PRELID3B: variants seen among roughly 807,000 people sequenced by gnomAD.
PRELID3B encodes PRELI domain containing 3B.
A neutral mutation model predicts 24.0 loss-of-function variants in PRELID3B; 15 were observed. That is an observed-to-expected ratio of 0.63 (90% CI 0.42 to 0.96). The LOEUF (loss-of-function observed/expected upper bound fraction) is 0.96. PRELID3B is among the 40% of genes least tolerant of loss of function. PRELID3B has a pLI of 0.00. For missense variants in PRELID3B, 189 were observed against 236.0 expected, an observed-to-expected ratio of 0.80 and a Z score of 1.30; for synonymous variants, 62 against 76.0, an observed-to-expected ratio of 0.82 and a Z score of 0.96.
At position 59,041,088 on chromosome 20, in the gene PRELID3B, A is replaced by C. The variant is rs553781511; in HGVS notation, c.32+1611T>G. ...GGAAGGAGGGGATGAGCCAGGAAGAAGAGTTAGGGAAGATATGGGAGAAGA... is the reference window on the plus strand; with the variant it reads ...GGAAGGAGGGGATGAGCCAGGAAGACGAGTTAGGGAAGATATGGGAGAAGA... On this transcript the variant is annotated intron_variant, in intron 1 of 5. Transcript: ENST00000355937. Among the ~76,000 whole-genome samples, 7 of 152,264 alleles carry C rather than the reference A, an allele frequency of 4.6e-5. No individual in the cohort carries two copies. The East Asian group carries it at 1.4e-3, about 29-fold the overall frequency.
In PRELID3B at chr20:59,036,535, C is replaced by A. The variant is rs755222347; in HGVS notation, c.401G>T (p.Gly134Val). Residue 134 changes from glycine to valine, a missense_variant, in exon 5 of 6, where the codon GGA becomes GTA. By Grantham distance (109) the Gly-to-Val change is moderately radical. Coordinates refer to ENST00000355937, the MANE Select transcript of PRELID3B (RefSeq NM_016045.3). ...TTCAAGGTAACTGCTGAGGCTAACT[C>A]CTTTCACGGTAATTATGGCTTCTTG... ...LTQEAIITVK[G>V]VSLSSYLEGL... 1 of 1,614,064 alleles carries A rather than the reference C, an allele frequency of 6.2e-7. No homozygotes were observed. The highest frequency in any genetic ancestry group is 1.3e-5 in the African/African-American group (1 of 74,930).
At chr20:59,035,901 T>C (rs2092068586) in intron 5 of PRELID3B, among the ~76,000 whole-genome samples, 1 of 152,186 alleles carries the variant, frequency 6.6e-6, no homozygotes, top group Non-Finnish European at 1.5e-5. Context: ...TAACAGTGCA[T>C]GGCATCTTTC....
At position 59,038,489 on chromosome 20, in the gene PRELID3B, C is replaced by T. The variant is rs528860620; in HGVS notation, c.178G>A (p.Gly60Arg). Residue 60 changes from glycine to arginine, a missense_variant, in exon 2 of 6, where the codon GGA becomes AGA. Transcript: ENST00000355937. The stretch of plus-strand genomic sequence containing the variant: ...ACAGACTTCACAATGGAAGGCAGTC[C>T]CCACTCTGTGCTGAGAAGTCTGTGG... ...HSHRLLSTEW[G>R]LPSIVKSLIG... 2 of 1,613,312 alleles carry T rather than the reference C, an allele frequency of 1.2e-6. No homozygotes were observed. Among genetic ancestry groups the T allele is most frequent in the African/African-American group, 1.3e-5 (1 of 74,934 alleles).
rs781136153 is a variant in PRELID3B, at chr20:59,036,458, C to T, written c.465+13G>A. 6.3e-6 allele frequency: 10 copies of T among 1,582,022 alleles called. No individual in the cohort carries two copies. In the East Asian group the frequency reaches 2.0e-4, roughly 32 times the overall value. The stretch of plus-strand genomic sequence containing the variant: ...GAACCAGGGAATAATAACCAAGAAG[C>T]AGCCTCACTTACTTTACTAGCATTT... On this transcript the variant is annotated intron_variant, in intron 5 of 5. Transcript: ENST00000355937.
chr20:59,041,933 G>A (rs2092113186), intron 1 of PRELID3B, among the ~76,000 whole-genome samples: 1 of 152,160 alleles, frequency 6.6e-6, no homozygotes, highest in African/African-American at 2.4e-5. Flanking sequence ...ATGGAATCAG[G>A]GACCTAGAAG....
At position 59,040,817 on chromosome 20, in the gene PRELID3B, C is replaced by T. The variant is rs566410079; in HGVS notation, c.32+1882G>A. On this transcript the variant is annotated intron_variant, in intron 1 of 5. Transcript: ENST00000355937. The surrounding 1 kb of genome is among the most constrained non-coding windows in gnomAD (Gnocchi z 4.1). Reference sequence around the variant, plus strand: ...GAGCTCAAGGTACAGATCTGGGTGCCATAAATGTATACCTATCATTTGGGA... The same window carrying T: ...GAGCTCAAGGTACAGATCTGGGTGCTATAAATGTATACCTATCATTTGGGA... 6.6e-6 allele frequency among the ~76,000 whole-genome samples: 1 copy of T among 152,166 alleles called. No homozygotes were observed. Among genetic ancestry groups the T allele is most frequent in the South Asian group, 2.1e-4 (1 of 4,824 alleles).
At chr20:59,041,335 T>C (rs935171146) in intron 1 of PRELID3B, among the ~76,000 whole-genome samples, 5 of 152,222 alleles carry the variant, frequency 3.3e-5, no homozygotes, top group African/African-American at 1.2e-4. Context: ...AGCTTCCTTC[T>C]GATTCCAGTA....
At chr20:59,042,607 C>T in intron 1 of PRELID3B, 92 bp downstream of exon 1, 2 of 1,442,930 alleles carry the variant, frequency 1.4e-6, no homozygotes. Flanking sequence ...GGCCCGACGC[C>T]TAGAAGCCTC....
In PRELID3B at chr20:59,033,230, A is replaced by G. The variant is rs2092047051; in HGVS notation, c.*1777T>C. On this transcript the variant is annotated 3_prime_UTR_variant, in exon 6 of 6. Transcript: ENST00000355937. ...AAATAGTCCAAGGGTTTCATTTATG[A>G]ACACTTATTCCAGTTTAGTTCTCTT... The G allele has an allele frequency of 6.6e-6, 1 of 152,226 alleles. No homozygotes were observed. Among genetic ancestry groups the G allele is most frequent in the Non-Finnish European group, 1.5e-5 (1 of 68,028 alleles). 9.4% of individuals were successfully genotyped at this position (152,226 alleles called of 1,614,324 possible). A position where few individuals can be genotyped will look rare whatever the true frequency, so the allele number is the denominator to read the frequency against.
At chr20:59,035,215 G>A (rs1050357014) in intron 5 of PRELID3B, 89 bp from the exon 6 acceptor site, 8 of 1,260,944 alleles carry the variant, frequency 6.3e-6, no homozygotes, top group Middle Eastern at 2.0e-4. Flanking sequence ...AACAAGGGGC[G>A]TGACAAGTTT....
At position 59,033,175 on chromosome 20, in the gene PRELID3B, G is replaced by C. The variant is rs1207560410; in HGVS notation, c.*1832C>G. On this transcript the variant is annotated 3_prime_UTR_variant, in exon 6 of 6. Transcript: ENST00000355937. ...TAAAAGAAAGTTTTTATTAACAAAA[G>C]TTTTCCTTAATTCACATTTCAACTT... 2 of 151,900 alleles carry C rather than the reference G, an allele frequency of 1.3e-5. No individual in the cohort carries two copies. Among genetic ancestry groups the C allele is most frequent in the Non-Finnish European group, 2.9e-5 (2 of 67,986 alleles). 9.4% of individuals were successfully genotyped at this position (151,900 alleles called of 1,614,324 possible).
At position 59,034,776 on chromosome 20, in the gene PRELID3B, T is replaced by G. The variant is rs1310197314; in HGVS notation, c.*231A>C. The G allele has an allele frequency of 2.5e-6, 1 of 392,582 alleles. No homozygotes were observed. The allele number at this position is 392,582 out of a possible 1,614,324, so 24.3% of individuals were successfully genotyped here. A position where few individuals can be genotyped will look rare whatever the true frequency, so the allele number is the denominator to read the frequency against. ...TCTTGTTGAATTTTCACAGAAATAC[T>G]GGAACCCTCAAAATCAGATAGTAAT... On this transcript the variant is annotated 3_prime_UTR_variant, in exon 6 of 6. Coordinates refer to ENST00000355937, the MANE Select transcript of PRELID3B (RefSeq NM_016045.3).
intron 1 of PRELID3B, among the ~76,000 whole-genome samples, chr20:59,039,537 CTT>C (rs2092097236): frequency 6.6e-6 from 1 of 152,230 alleles, no homozygotes. Context: ...TTAAAGGTGA[CTT>C]AGTCCACCTG....
rs565623737 is a variant in PRELID3B, at chr20:59,034,998, C to G, written c.*9G>C. Reference sequence around the variant, plus strand: ...TGGAGTACCCGATGTTGTCTACCAACTGTCACGATCACTTCTCTGCAAACG... The same window carrying G: ...TGGAGTACCCGATGTTGTCTACCAAGTGTCACGATCACTTCTCTGCAAACG... On this transcript the variant is annotated 3_prime_UTR_variant, in exon 6 of 6. Coordinates refer to ENST00000355937, the MANE Select transcript of PRELID3B (RefSeq NM_016045.3). The G allele has an allele frequency of 1.6e-5, 26 of 1,607,542 alleles. No individual in the cohort carries two copies. In the South Asian group the frequency reaches 2.4e-4, roughly 15 times the overall value.
intron 1 of PRELID3B, among the ~76,000 whole-genome samples, chr20:59,042,072 T>C (rs1321936710): frequency 6.6e-6 from 1 of 152,216 alleles, no homozygotes; most frequent in East Asian, 1.9e-4. Context: ...ACGATCGTCC[T>C]TTTCCATCTC....
At chr20:59,036,375 A>G in intron 5 of PRELID3B, 96 bp downstream of exon 5, 1 of 917,296 alleles carries the variant, frequency 1.1e-6, no homozygotes, top group Non-Finnish European at 1.8e-6. Context: ...TAGAATGGGC[A>G]AGGGTCAGCT....
Position 59,035,249 on chromosome 20 carries a change from C to A in PRELID3B, c.466-123G>T, listed in dbSNP as rs144353947. On this transcript the variant is annotated intron_variant, in intron 5 of 5. Transcript: ENST00000355937. ...TTAACTCAATCTCAGGATGACAGAT[C>A]GTTTTTGTCCTGGCTTTTTCTAATG... The A allele has an allele frequency of 4.0e-4, 340 of 839,606 alleles. 2 individuals carry two copies. The East Asian group carries it at 8.0e-3, about 20-fold the overall frequency. The allele number at this position is 839,606 out of a possible 1,614,324, so 52.0% of individuals were successfully genotyped here.
intron 1 of PRELID3B, among the ~76,000 whole-genome samples, chr20:59,041,434 C>T (rs2092109418): frequency 6.6e-6 from 1 of 152,104 alleles, no homozygotes; most frequent in African/African-American, 2.4e-5. Context: ...CTTCAGAGGC[C>T]GGGCACAGTG....
In PRELID3B at chr20:59,042,255, G is replaced by C. The variant is rs747342097; in HGVS notation, c.32+444C>G. Among the ~76,000 whole-genome samples the C allele has an allele frequency of 5.3e-5, 8 of 152,336 alleles. 1 individual carries two copies. The South Asian group carries it at 6.2e-4, about 12-fold the overall frequency. The stretch of plus-strand genomic sequence containing the variant: ...TCGAAGGTAGAAACTCCACCCAAAC[G>C]GCGGCCAGGGAAAGTACACTCTGGA... On this transcript the variant is annotated intron_variant, in intron 1 of 5. Transcript: ENST00000355937.
Sources: gnomAD v4.1 joint callset for allele counts (sites outside exome capture counted in the v4.1 genomes callset) on GRCh38, gnomAD v4.1.1 for gene constraint, Gnocchi (gnomAD v3.1) non-coding constraint, MANE v1.5 for transcripts, NCBI Gene and HGNC (gene_info 2026-07-23, HGNC 2026-07-21) for gene names.